Variants in FOXP1 observed in about 807,000 individuals in gnomAD.
FOXP1 encodes the protein forkhead box P1, also known as forkhead box protein P1.
FOXP1 carries 15 observed loss-of-function variants against 98.2 expected under a neutral mutation model. The observed-to-expected ratio is 0.15, with a 90% CI of 0.10 to 0.24. The LOEUF is 0.24. Ranked by LOEUF, FOXP1 falls within the 10% of genes least tolerant of loss-of-function variation. The probability of loss-of-function intolerance (pLI) is 1.00; values close to 1 mark genes in which losing one functional copy is unlikely to be tolerated. For synonymous variants in FOXP1, 371 were observed against 314.5 expected (o/e 1.18, Z -1.90); for missense variants, 633 against 848.5 (o/e 0.75, Z 3.15).
Position 71,581,184 on chromosome 3 carries a change from T to C in FOXP1, c.-298+365A>G. ...GCCCAGACTAAATCAATACACTTTG[T>C]AATCAGCCCAGCAAGGGTATTTGGA... On this transcript the variant is annotated intron_variant, in intron 2 of 20. Transcript: ENST00000649528. 6 of 985,280 alleles carry C rather than the reference T, an allele frequency of 6.1e-6. No homozygotes were observed. In the South Asian group the frequency reaches 2.8e-4, roughly 46 times the overall value. 61.0% of individuals were successfully genotyped at this position (985,280 alleles called of 1,614,324 possible).
intron 5 of FOXP1, among the ~76,000 whole-genome samples, chr3:71,234,889 A>C (rs2066645664): frequency 6.6e-6 from 1 of 152,136 alleles, no homozygotes; most frequent in South Asian, 2.1e-4. Context: ...GGGCAGGAGG[A>C]GGGGTGAAAA....
intron 5 of FOXP1, among the ~76,000 whole-genome samples, chr3:71,292,360 G>A (rs1292424446): frequency 6.6e-6 from 1 of 152,098 alleles, no homozygotes; most frequent in Non-Finnish European, 1.5e-5. Context: ...TTGAGATGGA[G>A]TCTCCCCTCT....
intron 6 of FOXP1, among the ~76,000 whole-genome samples, chr3:71,132,361 A>T (rs1234889999): frequency 6.6e-6 from 1 of 152,224 alleles, no homozygotes; most frequent in Admixed American, 6.5e-5. Context: ...TAACTGCTTA[A>T]CACCTAGTAG....
chr3:71,345,920 G>C lies in FOXP1; in HGVS notation c.-73+13230C>G, dbSNP rs138225655. On this transcript the variant is annotated intron_variant, in intron 4 of 20. Transcript: ENST00000649528. ...AAAAGAGGAGTGAGGTGGTTAAGTAGGCCCAATATGCAATGAGACAAAGTG... is the reference window on the plus strand; with the variant it reads ...AAAAGAGGAGTGAGGTGGTTAAGTACGCCCAATATGCAATGAGACAAAGTG... Among the ~76,000 whole-genome samples, 830 of 140,072 alleles carry C rather than the reference G, an allele frequency of 5.9e-3. 28 individuals are homozygous for C. The highest frequency in any genetic ancestry group is 4.2e-3 in the Non-Finnish European group (268 of 64,394). 91.9% of individuals were successfully genotyped at this position (140,072 alleles called of 152,430 possible). A position where few individuals can be genotyped will look rare whatever the true frequency, so the allele number is the denominator to read the frequency against.
chr3:71,457,576 G>C (rs1319807612), intron 3 of FOXP1, among the ~76,000 whole-genome samples: 1 of 152,160 alleles, frequency 6.6e-6, no homozygotes, highest in African/African-American at 2.4e-5. Context: ...AAACAAGAAA[G>C]CATTAATTAT....
At chr3:71,361,175 C>T (rs1264646162) in intron 3 of FOXP1, among the ~76,000 whole-genome samples, 2 of 152,094 alleles carry the variant, frequency 1.3e-5, no homozygotes, top group Admixed American at 6.5e-5. Context: ...AGGCTGTAAT[C>T]GTTCAAACTT....
At chr3:71,463,362 A>G (rs1285921978) in intron 3 of FOXP1, among the ~76,000 whole-genome samples, 3 of 130,888 alleles carry the variant, frequency 2.3e-5, no homozygotes, top group Non-Finnish European at 3.3e-5. Context: ...CTCAAAAAAA[A>G]AAAAAAAAAA....
intron 12 of FOXP1, among the ~76,000 whole-genome samples, chr3:71,006,973 T>C (rs2042888222): frequency 6.6e-6 from 1 of 152,128 alleles, no homozygotes; most frequent in South Asian, 2.1e-4. Flanking sequence ...GGCAAACTTG[T>C]CTAAACTTTT....
At chr3:71,445,445 A>C (rs1274776778) in intron 3 of FOXP1, among the ~76,000 whole-genome samples, 1 of 152,074 alleles carries the variant, frequency 6.6e-6, no homozygotes, top group Non-Finnish European at 1.5e-5. Context: ...GGAAAATAAA[A>C]ATGAGCTCTG....
intron 5 of FOXP1, among the ~76,000 whole-genome samples, chr3:71,263,077 C>G (rs1447132922): frequency 6.6e-6 from 1 of 152,144 alleles, no homozygotes; most frequent in African/African-American, 2.4e-5. Context: ...TCAGGAGTAG[C>G]TCAGCAAAAC....
intron 6 of FOXP1, among the ~76,000 whole-genome samples, chr3:71,156,842 AG>A (rs2060847904): frequency 6.6e-6 from 1 of 152,226 alleles, no homozygotes. Flanking sequence ...AAAGGAAGGA[AG>A]GTGGGCCTCC....
At chr3:71,510,100 G>C (rs1442737969) in intron 2 of FOXP1, among the ~76,000 whole-genome samples, 8 of 152,104 alleles carry the variant, frequency 5.3e-5, no homozygotes, top group Non-Finnish European at 8.8e-5. Flanking sequence ...AGAATCGCTT[G>C]AACCCCGGAG....
chr3:71,089,424 G>A (rs1419867265), intron 7 of FOXP1, among the ~76,000 whole-genome samples: 1 of 152,160 alleles, frequency 6.6e-6, no homozygotes, highest in Non-Finnish European at 1.5e-5. Context: ...AATCTCATGA[G>A]ATGCTATGAG....
At chr3:71,007,412 G>C (rs1393663841) in intron 12 of FOXP1, among the ~76,000 whole-genome samples, 1 of 152,138 alleles carries the variant, frequency 6.6e-6, no homozygotes, top group Admixed American at 6.5e-5. Flanking sequence ...TGCAAGCCGA[G>C]AGCCACAAAT....
chr3:71,507,550 A>G (rs1019856786), intron 2 of FOXP1, among the ~76,000 whole-genome samples: 21 of 152,170 alleles, frequency 1.4e-4, no homozygotes, highest in Admixed American at 1.2e-3. Context: ...CCTGCTTACC[A>G]AATGTCTATT....
At chr3:70,974,226 C>T (rs1470773728) in intron 17 of FOXP1, among the ~76,000 whole-genome samples, 3 of 151,878 alleles carry the variant, frequency 2.0e-5, no homozygotes, top group African/African-American at 7.3e-5. Flanking sequence ...AAACCGAAAA[C>T]ATTTGGCATG....
chr3:71,517,367 G>T (rs547135072), intron 2 of FOXP1, among the ~76,000 whole-genome samples: 47 of 152,330 alleles, frequency 3.1e-4, no homozygotes, highest in Non-Finnish European at 6.2e-4. Flanking sequence ...AACAATGCAA[G>T]AATGTATTTG....
chr3:71,335,950 C>T (rs115794672), intron 4 of FOXP1, among the ~76,000 whole-genome samples: 3,755 of 128,804 alleles, frequency 0.029, 67 homozygotes, highest in Admixed American at 0.047. Context: ...GCGGAGGTTG[C>T]AGTGGACCAA....
At chr3:71,431,707 C>A (rs1188018243) in intron 3 of FOXP1, among the ~76,000 whole-genome samples, 2 of 152,214 alleles carry the variant, frequency 1.3e-5, no homozygotes, top group Non-Finnish European at 2.9e-5. Context: ...TACCTGCAAA[C>A]TCATTTCACA....
Sources: allele counts gnomAD v4.1 joint callset (sites outside exome capture counted in the v4.1 genomes callset), GRCh38; gene constraint gnomAD v4.1.1; transcripts MANE v1.5; gene names NCBI Gene and HGNC (gene_info 2026-07-23, HGNC 2026-07-21).